The following RASSF8 variants were observed in gnomAD, a reference collection of about 807,000 sequenced individuals.
RASSF8 encodes the protein Ras association domain family member 8.
RASSF8 carries 22 observed loss-of-function variants against 48.5 expected under a neutral mutation model. The observed-to-expected ratio is 0.45, with a 90% CI of 0.32 to 0.65. The LOEUF (loss-of-function observed/expected upper bound fraction) is 0.65. Among genes scored for constraint, RASSF8 ranks in the 30% least tolerant of loss-of-function variants. The probability of loss-of-function intolerance (pLI) is 0.03; values close to 1 mark genes in which losing one functional copy is unlikely to be tolerated. For missense variants in RASSF8, 418 were observed against 489.2 expected, an observed-to-expected ratio of 0.85 and a Z score of 1.37; for synonymous variants, 127 against 171.5, an observed-to-expected ratio of 0.74 and a Z score of 2.03.
At position 25,970,005 on chromosome 12, in the gene RASSF8, G is replaced by A. The variant is rs141395168; in HGVS notation, c.-203+10857G>A. On this transcript the variant is annotated intron_variant, in intron 1 of 5. Coordinates refer to ENST00000689635, the MANE Select transcript of RASSF8 (RefSeq NM_001394098.1). ...CAAGATTTCTTAACCTATAGTCCCT[G>A]TGTGGGCAGCAGGGAAGCCCACGAG... 5.6e-3 allele frequency among the ~76,000 whole-genome samples: 851 copies of A among 152,028 alleles called. 11 individuals are homozygous for A. The highest frequency in any genetic ancestry group is 0.02 in the African/African-American group (814 of 41,436).
intron 2 of RASSF8, among the ~76,000 whole-genome samples, chr12:26,044,022 T>C (rs1943321289): frequency 6.6e-6 from 1 of 152,216 alleles, no homozygotes; most frequent in Non-Finnish European, 1.5e-5. Context: ...TTTTTCTGTA[T>C]GTTATACTGC....
chr12:26,008,269 T>TA (rs11447818), intron 2 of RASSF8, among the ~76,000 whole-genome samples: 15,776 of 148,214 alleles, frequency 0.11, 881 homozygotes, highest in African/African-American at 0.15. Context: ...AGACTCCGTT[T>TA]AAAAAAAAAA....
At chr12:26,044,730 A>G (rs895567431) in intron 2 of RASSF8, among the ~76,000 whole-genome samples, 1 of 152,206 alleles carries the variant, frequency 6.6e-6, no homozygotes, top group East Asian at 1.9e-4. Flanking sequence ...GAATTTCACA[A>G]TGCACATCTT....
intron 1 of RASSF8, among the ~76,000 whole-genome samples, chr12:25,974,602 C>G (rs991233648): frequency 6.6e-6 from 1 of 151,694 alleles, no homozygotes; most frequent in Admixed American, 6.6e-5. Flanking sequence ...AATGTAGAAT[C>G]TGAATAAGTA....
At chr12:26,073,799 TACACACAC>T (rs1239157752), downstream of RASSF8, among the ~76,000 whole-genome samples, 24 of 129,176 alleles carry the variant, frequency 1.9e-4, 1 homozygote, top group Non-Finnish European at 2.8e-4. Context: ...ACATTATGTA[TACACACAC>T]ATATATATAC....
At chr12:26,037,774 C>T (rs1201335044) in intron 2 of RASSF8, among the ~76,000 whole-genome samples, 6 of 152,112 alleles carry the variant, frequency 3.9e-5, no homozygotes, top group Non-Finnish European at 7.4e-5. Flanking sequence ...GTATGAGATG[C>T]AGGGGGAAGC....
At chr12:26,050,998 T>TA (rs533983271) in intron 2 of RASSF8, among the ~76,000 whole-genome samples, 94 of 152,296 alleles carry the variant, frequency 6.2e-4, no homozygotes, top group African/African-American at 2.1e-3. Context: ...TAGGACATTT[T>TA]AAAAAAACAT....
intron 1 of RASSF8, among the ~76,000 whole-genome samples, chr12:25,971,954 T>C (rs1941495621): frequency 6.6e-6 from 1 of 152,220 alleles, no homozygotes; most frequent in Non-Finnish European, 1.5e-5. Flanking sequence ...GAAAGCAGGA[T>C]CCATATTTAG....
At chr12:26,033,164 A>G (rs1943064039) in intron 2 of RASSF8, among the ~76,000 whole-genome samples, 1 of 152,224 alleles carries the variant, frequency 6.6e-6, no homozygotes, top group African/African-American at 2.4e-5. Flanking sequence ...ATACTCTGTA[A>G]TGAGACCAGA....
chr12:26,059,100 A>C (rs1339849639), intron 3 of RASSF8, among the ~76,000 whole-genome samples: 1 of 152,250 alleles, frequency 6.6e-6, no homozygotes, highest in African/African-American at 2.4e-5. Context: ...AGCCTTTGAC[A>C]GATCATCTAT....
intron 2 of RASSF8, among the ~76,000 whole-genome samples, chr12:26,049,277 A>G (rs562185207): frequency 6.6e-6 from 1 of 152,358 alleles, no homozygotes; most frequent in South Asian, 2.1e-4. Flanking sequence ...AAATTAGATT[A>G]GTAAGAGGAA....
In RASSF8 at chr12:26,071,364, T is replaced by G. The variant is rs545307505; in HGVS notation, c.*2546T>G. 1 of 960,538 alleles carries G rather than the reference T, an allele frequency of 1.0e-6. No homozygotes were observed. Among genetic ancestry groups the G allele is most frequent in the South Asian group, 4.8e-5 (1 of 20,792 alleles). The allele number at this position is 960,538 out of a possible 1,614,324, so 59.5% of individuals were successfully genotyped here. A position where few individuals can be genotyped will look rare whatever the true frequency, so the allele number is the denominator to read the frequency against. ...ATAAAATTTTCATCTGGGGGAATGT[T>G]CAGGTTCTAAATACTAAATTAGATT... On this transcript the variant is annotated 3_prime_UTR_variant, in exon 6 of 6. Coordinates refer to ENST00000689635, the MANE Select transcript of RASSF8 (RefSeq NM_001394098.1).
intron 1 of RASSF8, among the ~76,000 whole-genome samples, chr12:25,990,132 C>A (rs1192425466): frequency 1.3e-5 from 2 of 152,082 alleles, no homozygotes; most frequent in African/African-American, 4.8e-5. Context: ...CTAATCTTAA[C>A]CTCAACTTTG....
chr12:25,984,952 T>G (rs10842649), intron 1 of RASSF8, among the ~76,000 whole-genome samples: 11,050 of 152,134 alleles, frequency 0.073, 433 homozygotes, highest in Middle Eastern at 0.13. Context: ...GGGTGCCAAA[T>G]TTTATGGACA....
At chr12:26,055,188 A>G (rs1476032510) in intron 2 of RASSF8, 48 bp from the exon 3 acceptor site, 1 of 635,614 alleles carries the variant, frequency 1.6e-6, no homozygotes, top group African/African-American at 1.8e-5. Context: ...ACTTACTAGA[A>G]GAAATGTTGA....
At chr12:26,053,077 G>C (rs1178333201) in intron 2 of RASSF8, 1 of 152,070 alleles carries the variant, frequency 6.6e-6, no homozygotes, top group Non-Finnish European at 1.5e-5. Context: ...ACACAATTAT[G>C]AGTAAGTTCT....
Position 26,069,245 on chromosome 12 carries a change from C to A in RASSF8, c.*427C>A. The A allele has an allele frequency of 1.0e-6, 1 of 986,656 alleles. No homozygotes were observed. Among genetic ancestry groups the A allele is most frequent in the Non-Finnish European group, 1.2e-6 (1 of 829,436 alleles). The allele number at this position is 986,656 out of a possible 1,614,324, so 61.1% of individuals were successfully genotyped here. On this transcript the variant is annotated 3_prime_UTR_variant, in exon 6 of 6. Transcript: ENST00000689635. ...ATTGACTTATCCTGTGACTGACTTA[C>A]GTTACATATTGTGTGATTATGACCG...
At chr12:26,055,540 T>C in intron 3 of RASSF8, 94 bp downstream of exon 3, 1 of 1,111,162 alleles carries the variant, frequency 9.0e-7, no homozygotes, top group Non-Finnish European at 1.4e-6. Flanking sequence ...GGGATTTTGT[T>C]CATTTGGTTC....
chr12:26,027,221 A>G (rs2137090991), intron 2 of RASSF8, among the ~76,000 whole-genome samples: 1 of 152,328 alleles, frequency 6.6e-6, no homozygotes, highest in Non-Finnish European at 1.5e-5. Context: ...GCTAATAGGT[A>G]TGTGGGTTAT....
Sources: gnomAD v4.1 joint callset for allele counts (sites outside exome capture counted in the v4.1 genomes callset) on GRCh38, gnomAD v4.1.1 for gene constraint, MANE v1.5 for transcripts, NCBI Gene and HGNC (gene_info 2026-07-23, HGNC 2026-07-21) for gene names.